MAPK14: variants seen among roughly 807,000 people sequenced by gnomAD.
MAPK14 encodes the protein CSAID-binding protein.
Under a neutral mutation model 49.6 loss-of-function variants are expected in MAPK14, and 16 were observed. The ratio of observed to expected loss-of-function variants is 0.32; its 90% CI spans 0.22 to 0.49. MAPK14 has a LOEUF of 0.49. MAPK14 is among the 20% of genes least tolerant of loss of function. The pLI is 0.99. For synonymous variants in MAPK14, 142 were observed against 158.0 expected (o/e 0.90, Z 0.76); for missense variants, 200 against 441.2 (o/e 0.45, Z 4.90).
intron 8 of MAPK14, among the ~76,000 whole-genome samples, chr6:36,090,668 A>G (rs1765191068): frequency 6.6e-6 from 1 of 152,092 alleles, no homozygotes; most frequent in South Asian, 2.1e-4. Flanking sequence ...CTGGGATTAC[A>G]GGTGCACGTC....
At chr6:36,037,372 T>G (rs1484412719) in intron 1 of MAPK14, among the ~76,000 whole-genome samples, 2 of 152,268 alleles carry the variant, frequency 1.3e-5, no homozygotes, top group East Asian at 3.9e-4. Flanking sequence ...AAATGGATAC[T>G]GGGTTTTGGG....
At chr6:36,081,825 T>C (rs1465380058) in intron 8 of MAPK14, among the ~76,000 whole-genome samples, 4 of 152,224 alleles carry the variant, frequency 2.6e-5, no homozygotes, top group Admixed American at 6.5e-5. Context: ...TTTAGATCAC[T>C]TTAAGTGATA....
intron 1 of MAPK14, among the ~76,000 whole-genome samples, chr6:36,033,053 G>A (rs774114051): frequency 2.6e-5 from 4 of 151,840 alleles, no homozygotes; most frequent in Non-Finnish European, 5.9e-5. Flanking sequence ...AGTATACAAG[G>A]GTGACTTTCT....
At chr6:36,065,020 T>C (rs891902187) in intron 3 of MAPK14, among the ~76,000 whole-genome samples, 14 of 152,254 alleles carry the variant, frequency 9.2e-5, no homozygotes, top group African/African-American at 3.1e-4. Flanking sequence ...GTTTCTGTTA[T>C]TGCCCTGGAA....
chr6:36,052,563 T>A, intron 1 of MAPK14, 136 bp from the exon 2 acceptor site: 1 of 679,980 alleles, frequency 1.5e-6, no homozygotes, highest in South Asian at 3.7e-5. Flanking sequence ...TAATAGGTCA[T>A]TTTGCTTTTT....
At chr6:36,116,511 AC>A in the MAPK14 span, among the ~76,000 whole-genome samples, 23 of 152,094 alleles carry the variant, frequency 1.5e-4, no homozygotes, top group Non-Finnish European at 1.5e-5. Flanking sequence ...AGTTTTTTCC[AC>A]CTTCATGAAT....
At chr6:36,091,659 G>A (rs976422614) in intron 8 of MAPK14, among the ~76,000 whole-genome samples, 4 of 152,144 alleles carry the variant, frequency 2.6e-5, no homozygotes, top group Non-Finnish European at 5.9e-5. Flanking sequence ...AGCTTTTGAA[G>A]AACCCATGGT....
intron 1 of MAPK14, among the ~76,000 whole-genome samples, chr6:36,047,728 CCTGA>C (rs1196203876): frequency 2.7e-5 from 4 of 149,886 alleles, no homozygotes; most frequent in Non-Finnish European, 5.9e-5. Context: ...GTGGCCCATG[CCTGA>C]CTAATTTTTT....
chr6:36,096,122 C>A, intron 9 of MAPK14, 56 bp downstream of exon 9: 2 of 1,237,312 alleles, frequency 1.6e-6, no homozygotes, highest in Non-Finnish European at 2.4e-6. Flanking sequence ...CACTTGCCTT[C>A]TACCAATCTG....
the MAPK14 span, among the ~76,000 whole-genome samples, chr6:36,124,141 TCCCTCCCTC>T: frequency 2.3e-5 from 1 of 42,926 alleles, no homozygotes; most frequent in Non-Finnish European, 4.5e-5. Flanking sequence ...CCTCCCTCCC[TCCCTCCCTC>T]CCTTCCTTCC....
chr6:36,102,684 T>G (rs766696922), intron 10 of MAPK14, 35 bp downstream of exon 10: 1 of 1,610,244 alleles, frequency 6.2e-7, no homozygotes, highest in Non-Finnish European at 8.5e-7. Flanking sequence ...TCATGGATAT[T>G]GAATTGGTTA....
intron 8 of MAPK14, chr6:36,092,163 T>G: frequency 1.9e-6 from 1 of 526,580 alleles, no homozygotes; most frequent in Non-Finnish European, 3.8e-6. Context: ...CTCCATCCCC[T>G]GGCTTTGGCT....
At chr6:36,093,603 C>T (rs1403188806) in intron 8 of MAPK14, among the ~76,000 whole-genome samples, 2 of 151,830 alleles carry the variant, frequency 1.3e-5, no homozygotes, top group Non-Finnish European at 2.9e-5. Flanking sequence ...CCTGTAGTCC[C>T]AGCTACTCTG....
chr6:36,029,833 A>G (rs957811307), intron 1 of MAPK14, among the ~76,000 whole-genome samples: 2 of 152,104 alleles, frequency 1.3e-5, no homozygotes, highest in African/African-American at 2.4e-5. Context: ...AGCATTTTAC[A>G]TTCAGAGAGT....
At chr6:36,084,370 A>G (rs1764892453) in intron 8 of MAPK14, among the ~76,000 whole-genome samples, 1 of 152,216 alleles carries the variant, frequency 6.6e-6, no homozygotes, top group Admixed American at 6.5e-5. Flanking sequence ...ACAGAAGTAG[A>G]CTTCCGAAGG....
At chr6:36,103,897 G>C (rs548314116) in intron 10 of MAPK14, among the ~76,000 whole-genome samples, 1 of 152,180 alleles carries the variant, frequency 6.6e-6, no homozygotes, top group Non-Finnish European at 1.5e-5. Context: ...CTTTGCATCT[G>C]TTTGGGTCAT....
rs148841375 is a variant in MAPK14, at chr6:36,073,510, A to G, written c.418-181A>G. Among the ~76,000 whole-genome samples, 28 of 152,336 alleles carry G rather than the reference A, an allele frequency of 1.8e-4. No homozygotes were observed. The East Asian group carries it at 5.2e-3, about 28-fold the overall frequency. On this transcript the variant is annotated intron_variant, in intron 4 of 11. Transcript: ENST00000229794. ...ATTAAAAGCTCAACTGAGTGGAGTC[A>G]ATGGCTGTGGAAATTATAGTAATGG...
In MAPK14 at chr6:36,076,627, T is replaced by C. The variant is rs756759557; in HGVS notation, c.682+19T>C. 1 of 1,597,438 alleles carries C rather than the reference T, an allele frequency of 6.3e-7. No individual in the cohort carries two copies. Among genetic ancestry groups the C allele is most frequent in the Non-Finnish European group, 8.6e-7 (1 of 1,164,882 alleles). On this transcript the variant is annotated intron_variant, in intron 8 of 11. Coordinates refer to ENST00000229794, the MANE Select transcript of MAPK14 (RefSeq NM_139012.3). ...ACAGACCGTATCCTTTAAAAAGTTT[T>C]GGATTCTTGTTTCTTATCTGTATTC...
intron 1 of MAPK14, among the ~76,000 whole-genome samples, chr6:36,050,847 A>G (rs1170151302): frequency 6.6e-6 from 1 of 152,176 alleles, no homozygotes; most frequent in East Asian, 1.9e-4. Flanking sequence ...GAAATGGCCT[A>G]GTTTCAGAGA....
Sources: allele counts gnomAD v4.1 joint callset (sites outside exome capture counted in the v4.1 genomes callset), GRCh38; gene constraint gnomAD v4.1.1; transcripts MANE v1.5; gene names NCBI Gene and HGNC (gene_info 2026-07-23, HGNC 2026-07-21).